PDE11A: variants seen among roughly 807,000 people sequenced by gnomAD.
PDE11A encodes dual 3',5'-cyclic-AMP and -GMP phosphodiesterase 11A.
A neutral mutation model predicts 100.5 loss-of-function variants in PDE11A; 100 were observed. The observed-to-expected ratio is 1.00, with a 90% CI of 0.85 to 1.18. PDE11A has a LOEUF of 1.18. Among genes scored for constraint, PDE11A ranks in the 50% most tolerant of loss-of-function variants. The pLI is 0.00. For missense variants in PDE11A, 1,141 were observed against 1,152.6 expected (o/e 0.99, Z 0.15); for synonymous variants, 381 against 420.8 (o/e 0.91, Z 1.16).
At chr2:177,799,916 TG>T (rs1296500559) in intron 9 of PDE11A, among the ~76,000 whole-genome samples, 2 of 151,742 alleles carry the variant, frequency 1.3e-5, no homozygotes, top group African/African-American at 4.8e-5. Context: ...TGGTGGGGGG[TG>T]GGGGATGTTA....
intron 10 of PDE11A, among the ~76,000 whole-genome samples, chr2:177,731,291 C>T (rs2081685705): frequency 6.6e-6 from 1 of 152,084 alleles, no homozygotes; most frequent in Non-Finnish European, 1.5e-5. Flanking sequence ...CTTTAGTTTT[C>T]CACTCCTGTG....
At chr2:177,748,805 CTGAA>C (rs1325642988) in intron 10 of PDE11A, among the ~76,000 whole-genome samples, 1 of 151,898 alleles carries the variant, frequency 6.6e-6, no homozygotes, top group Non-Finnish European at 1.5e-5. Context: ...AAATCTTTTT[CTGAA>C]TGAAGGATCT....
chr2:177,669,614 C>T (rs374731885), intron 17 of PDE11A, 47 bp from the exon 18 acceptor site: 34 of 861,758 alleles, frequency 3.9e-5, no homozygotes, highest in Middle Eastern at 2.2e-4. Flanking sequence ...TAGTTTATCA[C>T]GAGACTCAGA....
At chr2:177,930,001 G>C (rs1161141393) in intron 2 of PDE11A, among the ~76,000 whole-genome samples, 1 of 152,230 alleles carries the variant, frequency 6.6e-6, no homozygotes, top group Non-Finnish European at 1.5e-5. Flanking sequence ...TTACAAGTTT[G>C]ATAGAGTAAG....
At chr2:177,692,590 G>A (rs1016867383) in intron 15 of PDE11A, among the ~76,000 whole-genome samples, 2 of 152,146 alleles carry the variant, frequency 1.3e-5, no homozygotes, top group Admixed American at 6.5e-5. Context: ...TCACTGCAGG[G>A]ACTCAGAAAC....
intron 9 of PDE11A, among the ~76,000 whole-genome samples, chr2:177,772,835 T>C (rs76664995): frequency 6.6e-6 from 1 of 152,220 alleles, no homozygotes. Context: ...TTGTTTGTTA[T>C]TGAGTTGTAG....
intron 13 of PDE11A, among the ~76,000 whole-genome samples, chr2:177,702,954 G>A (rs2081223231): frequency 1.3e-5 from 2 of 152,168 alleles, no homozygotes; most frequent in South Asian, 2.1e-4. Context: ...GTTACTATTT[G>A]TCTTACATAG....
intron 2 of PDE11A, among the ~76,000 whole-genome samples, chr2:177,907,670 A>G (rs1365424678): frequency 7.2e-5 from 11 of 152,220 alleles, no homozygotes; most frequent in African/African-American, 2.7e-4. Flanking sequence ...TACAATGAAC[A>G]GCCTTGGAAG....
intron 9 of PDE11A, among the ~76,000 whole-genome samples, chr2:177,776,242 A>C (rs1012538323): frequency 5.9e-5 from 9 of 152,136 alleles, no homozygotes; most frequent in Non-Finnish European, 1.0e-4. Flanking sequence ...TATTTTCACT[A>C]TTTGTGTCAT....
At chr2:177,861,951 A>G (rs1374577791) in intron 5 of PDE11A, among the ~76,000 whole-genome samples, 4 of 151,966 alleles carry the variant, frequency 2.6e-5, no homozygotes, top group Non-Finnish European at 5.9e-5. Context: ...TGCAAAAGCT[A>G]AAATAATCAG....
chr2:177,946,131 C>T (rs1379226515), intron 2 of PDE11A, among the ~76,000 whole-genome samples: 2 of 114,740 alleles, frequency 1.7e-5, no homozygotes, highest in Non-Finnish European at 3.8e-5. Context: ...CCCGGCCAGC[C>T]GCCCCGTCTG....
intron 2 of PDE11A, among the ~76,000 whole-genome samples, chr2:177,947,793 TAAAAAA>T (rs71010840): frequency 0.36 from 9,623 of 26,730 alleles, 325 homozygotes; most frequent in South Asian, 0.51. Context: ...AATAAAAAAA[TAAAAAA>T]AAAATAAAAT....
intron 9 of PDE11A, among the ~76,000 whole-genome samples, chr2:177,790,651 G>A (rs1194746430): frequency 2.0e-5 from 3 of 152,058 alleles, no homozygotes; most frequent in Admixed American, 6.6e-5. Flanking sequence ...CTGACAAAGG[G>A]CTAATATCCA....
At chr2:177,877,642 C>T (rs773823674) in intron 4 of PDE11A, among the ~76,000 whole-genome samples, 7 of 152,138 alleles carry the variant, frequency 4.6e-5, no homozygotes, top group Non-Finnish European at 1.0e-4. Context: ...AGAGTTCCAT[C>T]TTGTACTTGT....
intron 10 of PDE11A, among the ~76,000 whole-genome samples, chr2:177,737,477 T>C (rs1360717481): frequency 1.5e-5 from 2 of 135,422 alleles, no homozygotes; most frequent in African/African-American, 5.1e-5. Flanking sequence ...GGTGGGTGCC[T>C]GTAGTCCCAG....
intron 15 of PDE11A, among the ~76,000 whole-genome samples, chr2:177,694,286 A>G (rs1033895436): frequency 1.3e-5 from 2 of 152,124 alleles, no homozygotes; most frequent in African/African-American, 4.8e-5. Flanking sequence ...TTCTCTCTTT[A>G]GAAGTTACTT....
intron 9 of PDE11A, among the ~76,000 whole-genome samples, chr2:177,783,664 C>T (rs1413814391): frequency 6.6e-6 from 1 of 152,046 alleles, no homozygotes; most frequent in South Asian, 2.1e-4. Context: ...AGATTTTGCC[C>T]AAAATTAACC....
At chr2:177,762,729 A>T (rs570128785) in intron 10 of PDE11A, among the ~76,000 whole-genome samples, 1 of 152,280 alleles carries the variant, frequency 6.6e-6, no homozygotes, top group Admixed American at 6.5e-5. Flanking sequence ...CCTCCCAGGG[A>T]AAGGAGATGC....
rs181413198 is a variant in PDE11A at position 177,928,696 on chromosome 2, A to G, written c.1072-23509T>C. ...AAAGCTGAGGCAGGAGGACTGCTTA[A>G]AAAAATTCTTTTTTTAATTATCTGG... On this transcript the variant is annotated intron_variant, in intron 2 of 19. Transcript: ENST00000286063. 1.6e-4 allele frequency among the ~76,000 whole-genome samples: 24 copies of G among 152,296 alleles called. No homozygotes were observed. In the East Asian group the frequency reaches 3.7e-3, roughly 23 times the overall value.
Sources: gnomAD v4.1 joint callset for allele counts (sites outside exome capture counted in the v4.1 genomes callset) on GRCh38, gnomAD v4.1.1 for gene constraint, MANE v1.5 for transcripts, NCBI Gene and HGNC (gene_info 2026-07-23, HGNC 2026-07-21) for gene names.